CHST9: variants seen among roughly 807,000 people sequenced by gnomAD.
The protein encoded by CHST9 is carbohydrate sulfotransferase 9, also known as GalNAc-4-sulfotransferase 2.
A neutral mutation model predicts 44.4 loss-of-function variants in CHST9; 41 were observed. The observed-to-expected ratio is 0.92, with a 90% CI of 0.72 to 1.20. The LOEUF (loss-of-function observed/expected upper bound fraction) is 1.20, where lower values mean the gene tolerates loss of function less well. Ranked by LOEUF, CHST9 falls within the 50% of genes most tolerant of loss-of-function variation. The probability of loss-of-function intolerance (pLI) is 0.00; values close to 1 mark genes in which losing one functional copy is unlikely to be tolerated. For missense variants in CHST9, 504 were observed against 516.5 expected (o/e 0.98, Z 0.23); for synonymous variants, 171 against 178.4 (o/e 0.96, Z 0.33).
chr18:27,022,105 T>C (rs1422677304), intron 4 of CHST9, among the ~76,000 whole-genome samples: 1 of 152,196 alleles, frequency 6.6e-6, no homozygotes, highest in East Asian at 1.9e-4. Context: ...ATGAATTGCA[T>C]GTTATTATTA....
At chr18:27,112,400 T>C (rs1328960462) in intron 2 of CHST9, among the ~76,000 whole-genome samples, 3 of 151,734 alleles carry the variant, frequency 2.0e-5, no homozygotes, top group Non-Finnish European at 2.9e-5. Flanking sequence ...ATATACACCT[T>C]ATAAACACAC....
chr18:27,096,530 G>A (rs956372181), intron 2 of CHST9, among the ~76,000 whole-genome samples: 1 of 151,932 alleles, frequency 6.6e-6, no homozygotes, highest in African/African-American at 2.4e-5. Flanking sequence ...TTGGTAGATT[G>A]CTAGCTAGAT....
intron 4 of CHST9, among the ~76,000 whole-genome samples, chr18:26,955,224 G>GTTTTTT (rs10573820): frequency 7.2e-6 from 1 of 138,444 alleles, no homozygotes; most frequent in Non-Finnish European, 1.6e-5. Flanking sequence ...CCAGAATTCT[G>GTTTTTT]TTTTTTTTTT....
At chr18:27,092,913 T>C (rs1161727974) in intron 2 of CHST9, among the ~76,000 whole-genome samples, 3 of 152,182 alleles carry the variant, frequency 2.0e-5, no homozygotes, top group African/African-American at 7.2e-5. Flanking sequence ...GAGAAGAATG[T>C]ATATTCTGTT....
At chr18:27,006,716 G>A (rs1004000430) in intron 4 of CHST9, among the ~76,000 whole-genome samples, 2 of 152,174 alleles carry the variant, frequency 1.3e-5, no homozygotes, top group African/African-American at 4.8e-5. Context: ...TTCTGGGATT[G>A]CTGCAATTTT....
intron 2 of CHST9, among the ~76,000 whole-genome samples, chr18:27,049,234 G>A (rs944298147): frequency 1.3e-5 from 2 of 152,038 alleles, no homozygotes; most frequent in South Asian, 2.1e-4. Context: ...AGACCGGGGG[G>A]AGGCCGAAAT....
intron 4 of CHST9, among the ~76,000 whole-genome samples, chr18:26,994,601 TG>T (rs1339132232): frequency 6.6e-6 from 1 of 152,010 alleles, no homozygotes; most frequent in African/African-American, 2.4e-5. Context: ...TTTGCGGGGC[TG>T]GGGGGTGGAC....
rs1028486352 is a variant in CHST9, at chr18:26,950,209, G to A, written c.203-5843C>T. ...TAACTGCTGTGCCCTGGGCCTAGGCGACATACCTCACAGACATTATGTCCT... is the reference window on the plus strand; with the variant it reads ...TAACTGCTGTGCCCTGGGCCTAGGCAACATACCTCACAGACATTATGTCCT... On this transcript the variant is annotated intron_variant, in intron 4 of 5. Transcript: ENST00000618847. Among the ~76,000 whole-genome samples the A allele has an allele frequency of 6.6e-5, 10 of 152,270 alleles. No individual in the cohort carries two copies. The East Asian group carries it at 1.2e-3, about 18-fold the overall frequency.
intron 4 of CHST9, among the ~76,000 whole-genome samples, chr18:26,990,712 C>A (rs989787799): frequency 2.0e-5 from 3 of 152,216 alleles, no homozygotes; most frequent in East Asian, 1.9e-4. Context: ...ATGCACCCTG[C>A]AGAATCTGTC....
intron 4 of CHST9, among the ~76,000 whole-genome samples, chr18:27,003,418 G>A (rs180809048): frequency 3.3e-5 from 5 of 152,272 alleles, no homozygotes; most frequent in African/African-American, 1.2e-4. Context: ...GAAGTGCAGC[G>A]AAGTTTTCTT....
At position 27,053,281 on chromosome 18, in the gene CHST9, A is replaced by AAGAAGAG. The variant is rs1568151323; in HGVS notation, c.122-4779_122-4778insCTCTTCT. Reference sequence around the variant, plus strand: ...AAGAAGGAGAAGGAGAAGGAGAAGGAGAAGGAGAAGGAGAAGGAGAAGGAG... The same window carrying AAGAAGAG: ...AAGAAGGAGAAGGAGAAGGAGAAGGAAGAAGAGGAAGGAGAAGGAGAAGGAGAAGGAG... On this transcript the variant is annotated intron_variant, in intron 2 of 5. Coordinates refer to ENST00000618847, the MANE Select transcript of CHST9 (RefSeq NM_031422.6). Among the ~76,000 whole-genome samples, 39 of 134,512 alleles carry AAGAAGAG rather than the reference A, an allele frequency of 2.9e-4. 2 individuals carry two copies. The highest frequency in any genetic ancestry group is 1.1e-3 in the African/African-American group (38 of 35,076). The allele number at this position is 134,512 out of a possible 152,430, so 88.2% of individuals were successfully genotyped here. A position where few individuals can be genotyped will look rare whatever the true frequency, so the allele number is the denominator to read the frequency against.
At chr18:27,176,487 G>A (rs1313018626) in intron 1 of CHST9, among the ~76,000 whole-genome samples, 1 of 152,016 alleles carries the variant, frequency 6.6e-6, no homozygotes, top group Non-Finnish European at 1.5e-5. Flanking sequence ...GAGAAGTAAT[G>A]TCAAGATTAA....
chr18:27,024,657 C>A (rs537000140), intron 3 of CHST9, among the ~76,000 whole-genome samples: 1 of 152,202 alleles, frequency 6.6e-6, no homozygotes, highest in African/African-American at 2.4e-5. Flanking sequence ...TATTAGTGAC[C>A]CACTATTGGA....
intron 4 of CHST9, among the ~76,000 whole-genome samples, chr18:26,956,344 T>TATATATATATAC (rs1555671803): frequency 7.0e-6 from 1 of 142,146 alleles, no homozygotes; most frequent in African/African-American, 2.7e-5. Flanking sequence ...TATATATATA[T>TATATATATATAC]ACACACACAA....
At chr18:27,024,644 C>T (rs1419701302) in intron 3 of CHST9, among the ~76,000 whole-genome samples, 1 of 152,200 alleles carries the variant, frequency 6.6e-6, no homozygotes, top group Non-Finnish European at 1.5e-5. Context: ...CAGCTCCTGG[C>T]ATTATTAGTG....
At chr18:26,933,244 G>A (rs118177881) in intron 5 of CHST9, 202 of 153,748 alleles carry the variant, frequency 1.3e-3, no homozygotes, top group Non-Finnish European at 1.9e-3. Context: ...GCAACTGTAA[G>A]TTGATCTTAA....
chr18:27,112,807 A>G (rs2143786431), intron 2 of CHST9, among the ~76,000 whole-genome samples: 1 of 152,294 alleles, frequency 6.6e-6, no homozygotes, highest in Non-Finnish European at 1.5e-5. Context: ...ATTAATTTTC[A>G]AAATGGCAAC....
chr18:26,926,248 A>G (rs373798939), intron 5 of CHST9, among the ~76,000 whole-genome samples: 15 of 152,360 alleles, frequency 9.8e-5, no homozygotes, highest in African/African-American at 3.1e-4. Context: ...GCTAATTTCT[A>G]TGGTCCTCTT....
intron 1 of CHST9, among the ~76,000 whole-genome samples, chr18:27,153,548 GTGTGTGTGTGTGTGTGTGTA>G (rs1219465686): frequency 1.9e-5 from 2 of 106,840 alleles, no homozygotes; most frequent in Admixed American, 9.9e-5. Context: ...CTCTCTCTCT[GTGTGTGTGTGTGTGTGTGTA>G]TGTGTGTGTG....
Sources: allele counts gnomAD v4.1 joint callset (sites outside exome capture counted in the v4.1 genomes callset), GRCh38; gene constraint gnomAD v4.1.1; transcripts MANE v1.5; gene names NCBI Gene and HGNC (gene_info 2026-07-23, HGNC 2026-07-21).